The following CADPS2 variants were observed in gnomAD, a reference collection of about 807,000 sequenced individuals.
The protein encoded by CADPS2 is calcium-dependent secretion activator 2.
In CADPS2, 93 loss-of-function variants were observed where a neutral mutation model predicts 172.5. That is an observed-to-expected ratio of 0.54 (90% CI 0.46 to 0.64). CADPS2 has a LOEUF of 0.64. Ranked by LOEUF, CADPS2 falls within the 30% of genes least tolerant of loss-of-function variation. CADPS2 has a pLI of 0.00. For synonymous variants in CADPS2, 546 were observed against 555.2 expected (o/e 0.98, Z 0.23); for missense variants, 1,420 against 1,565.9 (o/e 0.91, Z 1.57).
Position 122,773,084 on chromosome 7 carries a change from C to T in CADPS2, c.340-36016G>A, listed in dbSNP as rs190627411. Reference sequence around the variant, plus strand: ...AAGGTCAGAAAACACGAACAATTCACGAATTGCTAAATTATTTCAAATGTC... The same window carrying T: ...AAGGTCAGAAAACACGAACAATTCATGAATTGCTAAATTATTTCAAATGTC... On this transcript the variant is annotated intron_variant, in intron 1 of 29. Transcript: ENST00000449022. Among the ~76,000 whole-genome samples the T allele has an allele frequency of 3.3e-3, 509 of 152,064 alleles. 5 individuals are homozygous for T. The highest frequency in any genetic ancestry group is 0.018 in the Admixed American group (274 of 15,274).
chr7:122,323,475 ACT>A (rs916893807), intron 29 of CADPS2, among the ~76,000 whole-genome samples: 18 of 152,000 alleles, frequency 1.2e-4, no homozygotes, highest in African/African-American at 4.3e-4. Context: ...CTTAAGATCT[ACT>A]CTCTTAGCAA....
At chr7:122,655,269 GTTC>G (rs1439647926) in intron 3 of CADPS2, among the ~76,000 whole-genome samples, 1 of 152,172 alleles carries the variant, frequency 6.6e-6, no homozygotes, top group Non-Finnish European at 1.5e-5. Context: ...TTTGAAAAAT[GTTC>G]TTCTGTGGGT....
intron 1 of CADPS2, among the ~76,000 whole-genome samples, chr7:122,822,524 TTTC>T (rs1358701493): frequency 1.0e-4 from 15 of 150,670 alleles, no homozygotes; most frequent in African/African-American, 3.2e-4. Context: ...TTGTTTTATT[TTTC>T]TTATTAATAT....
chr7:122,534,951 G>C (rs2062105217), intron 8 of CADPS2, among the ~76,000 whole-genome samples: 1 of 152,024 alleles, frequency 6.6e-6, no homozygotes, highest in Non-Finnish European at 1.5e-5. Context: ...AATAAAAAAT[G>C]GTGACTCATG....
chr7:122,744,483 A>T (rs2092635288), intron 1 of CADPS2, among the ~76,000 whole-genome samples: 1 of 152,188 alleles, frequency 6.6e-6, no homozygotes, highest in Non-Finnish European at 1.5e-5. Context: ...TTATTCTAAA[A>T]CATTTTTCCA....
At chr7:122,407,905 G>T (rs768678327) in intron 19 of CADPS2, 15 of 510,168 alleles carry the variant, frequency 2.9e-5, no homozygotes, top group African/African-American at 3.8e-5. Context: ...ATAGAAAATA[G>T]AATTAAAATG....
intron 3 of CADPS2, among the ~76,000 whole-genome samples, chr7:122,645,516 A>ATG (rs2078383189): frequency 3.4e-5 from 1 of 29,350 alleles, no homozygotes; most frequent in Non-Finnish European, 7.3e-5. Context: ...ATATATACTT[A>ATG]TATATATATA....
At chr7:122,638,402 G>A (rs1410485182) in intron 3 of CADPS2, among the ~76,000 whole-genome samples, 1 of 152,166 alleles carries the variant, frequency 6.6e-6, no homozygotes, top group Admixed American at 6.5e-5. Flanking sequence ...CAGGATGAGT[G>A]GAGTCACCCA....
chr7:122,644,120 A>G lies in CADPS2; in HGVS notation c.787-14792T>C, dbSNP rs1293645135. ...TGAAGGAAGGAAGGAAGGAAGGAAC[A>G]AACGAAGGAAAAGAATATAAGACTA... On this transcript the variant is annotated intron_variant, in intron 3 of 29. Transcript: ENST00000449022. 8.6e-5 allele frequency among the ~76,000 whole-genome samples: 13 copies of G among 150,432 alleles called. No homozygotes were observed. The East Asian group carries it at 2.3e-3, about 27-fold the overall frequency.
intron 1 of CADPS2, among the ~76,000 whole-genome samples, chr7:122,808,088 T>G (rs1273128378): frequency 6.6e-6 from 1 of 152,182 alleles, no homozygotes. Flanking sequence ...ACAACTAATA[T>G]ACTGAATAAA....
intron 1 of CADPS2, among the ~76,000 whole-genome samples, chr7:122,772,281 T>A (rs1334200901): frequency 6.6e-6 from 1 of 152,218 alleles, no homozygotes; most frequent in Non-Finnish European, 1.5e-5. Flanking sequence ...TCATATTTCT[T>A]CAAGAACGGT....
chr7:122,547,500 T>A (rs1197556965), intron 8 of CADPS2, among the ~76,000 whole-genome samples: 3 of 152,202 alleles, frequency 2.0e-5, no homozygotes, highest in Non-Finnish European at 4.4e-5. Context: ...CTGCATTCTA[T>A]TCTTTTCTAA....
chr7:122,573,471 T>C (rs1478069084), intron 7 of CADPS2, among the ~76,000 whole-genome samples: 1 of 151,988 alleles, frequency 6.6e-6, no homozygotes, highest in Non-Finnish European at 1.5e-5. Flanking sequence ...GCCTGGGAAA[T>C]TGAGGCTGCA....
At chr7:122,477,060 G>C (rs1254965767) in intron 12 of CADPS2, among the ~76,000 whole-genome samples, 1 of 141,530 alleles carries the variant, frequency 7.1e-6, no homozygotes, top group Admixed American at 7.0e-5. Flanking sequence ...AGAAGAGAGA[G>C]AGAGAGAGAG....
At chr7:122,814,106 G>A (rs1301675047) in intron 1 of CADPS2, among the ~76,000 whole-genome samples, 1 of 151,828 alleles carries the variant, frequency 6.6e-6, no homozygotes, top group Non-Finnish European at 1.5e-5. Flanking sequence ...ACCTGGGTAT[G>A]TGGAAGCTGA....
intron 8 of CADPS2, among the ~76,000 whole-genome samples, chr7:122,525,958 C>T (rs2061196407): frequency 1.3e-5 from 2 of 152,214 alleles, no homozygotes; most frequent in African/African-American, 2.4e-5. Context: ...GGATCACTGT[C>T]ATATATGCCA....
intron 2 of CADPS2, chr7:122,676,751 T>C (rs1005578027): frequency 1.3e-5 from 18 of 1,363,122 alleles, no homozygotes; most frequent in Non-Finnish European, 1.5e-5. Context: ...ATCCAGATTA[T>C]CATGGAGAAA....
chr7:122,655,104 G>T (rs2079587628), intron 3 of CADPS2, among the ~76,000 whole-genome samples: 1 of 152,188 alleles, frequency 6.6e-6, no homozygotes, highest in African/African-American at 2.4e-5. Flanking sequence ...ATGAGGTATT[G>T]CTTCTTATGG....
intron 3 of CADPS2, among the ~76,000 whole-genome samples, chr7:122,639,684 T>C (rs1458714837): frequency 2.0e-5 from 3 of 152,192 alleles, no homozygotes; most frequent in South Asian, 2.1e-4. Context: ...GTTGGTTAGT[T>C]TTAATAATGA....
Sources: gnomAD v4.1 joint callset for allele counts (sites outside exome capture counted in the v4.1 genomes callset) on GRCh38, gnomAD v4.1.1 for gene constraint, MANE v1.5 for transcripts, NCBI Gene and HGNC (gene_info 2026-07-23, HGNC 2026-07-21) for gene names.